The following FRAS1 variants were observed in gnomAD, a reference collection of about 807,000 sequenced individuals.
FRAS1 encodes extracellular matrix organizing protein FRAS1.
Under a neutral mutation model 435.2 loss-of-function variants are expected in FRAS1, and 290 were observed. The ratio of observed to expected loss-of-function variants is 0.67; its 90% CI spans 0.61 to 0.73. The LOEUF (loss-of-function observed/expected upper bound fraction) is 0.73. FRAS1 is among the 30% of genes least tolerant of loss of function. The probability of loss-of-function intolerance (pLI) is 0.00; values close to 1 mark genes in which losing one functional copy is unlikely to be tolerated. For missense variants in FRAS1, 4,860 were observed against 5,001.5 expected, an observed-to-expected ratio of 0.97 and a Z score of 0.85; for synonymous variants, 1,800 against 1,851.0, an observed-to-expected ratio of 0.97 and a Z score of 0.71.
chr4:78,371,969 A>C (rs1045779408), intron 23 of FRAS1, among the ~76,000 whole-genome samples: 2 of 152,194 alleles, frequency 1.3e-5, no homozygotes, highest in Admixed American at 6.5e-5. Flanking sequence ...GATTATTTGC[A>C]TGCACATTCA....
Position 78,540,795 on chromosome 4 carries a change from G to A in FRAS1, c.11710G>A (p.Ala3904Thr). Residue 3904 changes from alanine (A) to threonine (T), a missense_variant, in exon 74 of 74, where the codon GCG becomes ACG. Physicochemically the swap from Ala to Thr is moderately conservative, Grantham distance 58. Coordinates refer to ENST00000512123, the MANE Select transcript of FRAS1 (RefSeq NM_025074.7). ...AGCTGCGTCCCTGTCACAGACTGGGGCGTCCATTGGCAGTGCCCTGGCTGC... is the reference window on the plus strand; with the variant it reads ...AGCTGCGTCCCTGTCACAGACTGGGACGTCCATTGGCAGTGCCCTGGCTGC... ...AVAASLSQTG[A>T]SIGSALAAIM... 6.2e-7 allele frequency: 1 copy of A among 1,613,876 alleles called. No homozygotes were observed. The highest frequency in any genetic ancestry group is 8.5e-7 in the Non-Finnish European group (1 of 1,179,770).
At chr4:78,245,120 A>G (rs916383311) in intron 3 of FRAS1, 113 bp from the exon 4 acceptor site, 9 of 750,412 alleles carry the variant, frequency 1.2e-5, no homozygotes, top group South Asian at 4.5e-5. Context: ...TGTTGTTGTC[A>G]CCTCAGAAAC....
intron 2 of FRAS1, among the ~76,000 whole-genome samples, chr4:78,069,643 A>G (rs1740234961): frequency 3.3e-5 from 5 of 152,170 alleles, no homozygotes; most frequent in Admixed American, 3.3e-4. Flanking sequence ...AGACGATAAT[A>G]TGGGAAAGAC....
intron 14 of FRAS1, among the ~76,000 whole-genome samples, chr4:78,290,688 G>A (rs564840624): frequency 1.2e-3 from 188 of 151,998 alleles, no homozygotes; most frequent in African/African-American, 3.9e-3. Flanking sequence ...GACCTCAAGT[G>A]ATCTGCCCGC....
At chr4:78,408,661 G>T (rs977709792) in intron 31 of FRAS1, among the ~76,000 whole-genome samples, 1 of 152,106 alleles carries the variant, frequency 6.6e-6, no homozygotes, top group Non-Finnish European at 1.5e-5. Context: ...CATTTTCCTT[G>T]TCTGTCAAAT....
chr4:78,330,811 CGGTCCTGT>C (rs1306068905), intron 18 of FRAS1, among the ~76,000 whole-genome samples: 1 of 152,232 alleles, frequency 6.6e-6, no homozygotes, highest in African/African-American at 2.4e-5. Flanking sequence ...AATTTCGCCT[CGGTCCTGT>C]GGTCCTGTGA....
chr4:78,384,483 T>C (rs1177262192), intron 28 of FRAS1, among the ~76,000 whole-genome samples: 1 of 152,166 alleles, frequency 6.6e-6, no homozygotes, highest in Non-Finnish European at 1.5e-5. Flanking sequence ...TCTGTGGTAA[T>C]ATAGCTAATA....
At chr4:78,058,119 T>TGTGTGC (rs1553914706) in intron 1 of FRAS1, 34 bp downstream of exon 1, 6 of 1,481,250 alleles carry the variant, frequency 4.1e-6, no homozygotes, top group East Asian at 2.3e-5. Context: ...TGTGTGTGTG[T>TGTGTGC]GCGTGTGCGT....
At chr4:78,298,050 ATATT>A (rs1247125301) in intron 14 of FRAS1, among the ~76,000 whole-genome samples, 2 of 136,012 alleles carry the variant, frequency 1.5e-5, no homozygotes, top group South Asian at 2.4e-4. Flanking sequence ...ATATATATAT[ATATT>A]ACTAATCCTC....
At chr4:78,391,109 A>G (rs1472685143) in intron 29 of FRAS1, among the ~76,000 whole-genome samples, 1 of 152,150 alleles carries the variant, frequency 6.6e-6, no homozygotes, top group Non-Finnish European at 1.5e-5. Context: ...CTGCCTTCCA[A>G]TTCATCTCTT....
intron 14 of FRAS1, among the ~76,000 whole-genome samples, chr4:78,288,593 T>C (rs776380350): frequency 6.6e-6 from 1 of 152,202 alleles, no homozygotes; most frequent in Non-Finnish European, 1.5e-5. Context: ...TAGTAGAAAG[T>C]TGCTGGGAAA....
At chr4:78,251,182 G>T (rs1393648902) in intron 4 of FRAS1, among the ~76,000 whole-genome samples, 3 of 152,108 alleles carry the variant, frequency 2.0e-5, no homozygotes, top group African/African-American at 7.2e-5. Flanking sequence ...CACAGTTTGT[G>T]GACTTGCCCA....
chr4:78,191,513 G>T (rs894814899), intron 2 of FRAS1, among the ~76,000 whole-genome samples: 1 of 146,344 alleles, frequency 6.8e-6, no homozygotes, highest in Non-Finnish European at 1.5e-5. Context: ...CCAAATCCTC[G>T]GGATTTGTTT....
At chr4:78,398,034 G>T (rs1732743332) in intron 29 of FRAS1, among the ~76,000 whole-genome samples, 1 of 152,032 alleles carries the variant, frequency 6.6e-6, no homozygotes. Context: ...TGAAGGTATT[G>T]TCATCTGCAG....
chr4:78,073,271 T>C (rs10213379), intron 2 of FRAS1, among the ~76,000 whole-genome samples: 94,322 of 152,026 alleles, frequency 0.62, 30,235 homozygotes, highest in Middle Eastern at 0.71. Context: ...TGTACTTTTA[T>C]TGATGAATAA....
intron 2 of FRAS1, chr4:78,070,865 A>G (rs990802336): frequency 1.3e-5 from 2 of 152,178 alleles, no homozygotes; most frequent in African/African-American, 4.8e-5. Flanking sequence ...GAGATGAACT[A>G]TTTACTTCTC....
At chr4:78,400,926 T>C in intron 30 of FRAS1, 39 bp downstream of exon 30, 1 of 1,604,626 alleles carries the variant, frequency 6.2e-7, no homozygotes, top group Non-Finnish European at 8.5e-7. Flanking sequence ...CATCGTTGCA[T>C]TCAGCAGTCT....
chr4:78,096,519 C>T (rs931776680), intron 2 of FRAS1, among the ~76,000 whole-genome samples: 2 of 152,208 alleles, frequency 1.3e-5, no homozygotes, highest in African/African-American at 4.8e-5. Context: ...CAAACTTCTG[C>T]CTGGGAATCC....
chr4:78,060,207 C>T (rs1442416970), intron 1 of FRAS1, among the ~76,000 whole-genome samples: 2 of 152,154 alleles, frequency 1.3e-5, no homozygotes, highest in African/African-American at 4.8e-5. Context: ...AAACATTTGT[C>T]ATCTGATGAG....
Sources: gnomAD v4.1 joint callset for allele counts (sites outside exome capture counted in the v4.1 genomes callset) on GRCh38, gnomAD v4.1.1 for gene constraint, MANE v1.5 for transcripts, NCBI Gene and HGNC (gene_info 2026-07-23, HGNC 2026-07-21) for gene names.